The following LRFN2 variants were observed in gnomAD, a reference collection of about 807,000 sequenced individuals.
The protein encoded by LRFN2 is leucine rich repeat and fibronectin type III domain containing 2, also known as leucine-rich repeat and fibronectin type-III domain-containing protein 2.
In LRFN2, 18 loss-of-function variants were observed where a neutral mutation model predicts 37.3. The ratio of observed to expected loss-of-function variants is 0.48; its 90% CI spans 0.33 to 0.72. The LOEUF (loss-of-function observed/expected upper bound fraction) is 0.72, where lower values mean the gene tolerates loss of function less well. LRFN2 is among the 30% of genes least tolerant of loss of function. LRFN2 has a pLI of 0.02. For synonymous variants in LRFN2, 556 were observed against 466.6 expected, an observed-to-expected ratio of 1.19 and a Z score of -2.47; for missense variants, 1,006 against 1,060.7, an observed-to-expected ratio of 0.95 and a Z score of 0.72.
chr6:40,516,712 C>G (rs959540961), intron 1 of LRFN2, among the ~76,000 whole-genome samples: 1 of 152,234 alleles, frequency 6.6e-6, no homozygotes, highest in Non-Finnish European at 1.5e-5. Flanking sequence ...CACACATGCA[C>G]TGTTCCCACT....
At chr6:40,571,682 T>C (rs763484364) in intron 1 of LRFN2, among the ~76,000 whole-genome samples, 52 of 152,350 alleles carry the variant, frequency 3.4e-4, no homozygotes, top group African/African-American at 1.2e-3. Flanking sequence ...AGGTCCGATG[T>C]TGGAGCCTCT....
chr6:40,409,585 T>C (rs1762917993), intron 2 of LRFN2, among the ~76,000 whole-genome samples: 1 of 152,236 alleles, frequency 6.6e-6, no homozygotes. Context: ...CAAGGGATTT[T>C]GCTTCTCTGA....
rs765422470 is a variant in LRFN2 at position 40,392,230 on chromosome 6, G to A, written c.2083C>T (p.Arg695Ter). The change falls in exon 3 of 3, where the codon CGA becomes TGA. Residue 695 changes from arginine (R) to a stop codon, truncating the protein, a stop_gained. Transcript: ENST00000338305. LOFTEE classifies it high-confidence loss of function. The surrounding 1 kb of genome is among the most constrained non-coding windows in gnomAD (Gnocchi z 4.7). The part of the protein sequence containing the change: ...GTSARGHHSD[R>*]EPLLGPPAAR... Reference sequence around the variant, plus strand: ...GCAGGGGGCCCCAGCAGTGGCTCTCGGTCCGAGTGGTGGCCCCGGGCCGAC... The same window carrying A: ...GCAGGGGGCCCCAGCAGTGGCTCTCAGTCCGAGTGGTGGCCCCGGGCCGAC... The A allele has an allele frequency of 2.5e-6, 4 of 1,569,808 alleles. No individual in the cohort carries two copies. The highest frequency in any genetic ancestry group is 1.2e-5 in the South Asian group (1 of 83,198).
chr6:40,552,481 G>A (rs1428100403), intron 1 of LRFN2, among the ~76,000 whole-genome samples: 2 of 152,176 alleles, frequency 1.3e-5, no homozygotes, highest in Non-Finnish European at 2.9e-5. Flanking sequence ...GTCACCTGTG[G>A]AAACTGGAAT....
In LRFN2 at chr6:40,432,352, C is replaced by G; in HGVS notation, c.762G>C (p.Arg254=). 6.2e-7 allele frequency: 1 copy of G among 1,614,190 alleles called. No homozygotes were observed. Among genetic ancestry groups the G allele is most frequent in the Non-Finnish European group, 8.5e-7 (1 of 1,180,046 alleles). The change falls in exon 2 of 3, where the codon CGG becomes CGC. Residue 254 remains arginine, a synonymous_variant. Coordinates refer to ENST00000338305, the MANE Select transcript of LRFN2 (RefSeq NM_020737.3). ...CCAGGTCATCGTCCCGCTCGAGCCT[C>G]CGCAGCCAGAGAAGCTCACAATTGC... The part of the protein sequence containing the change: ...LHCNCELLWL[R]RLERDDDLET...
At chr6:40,485,540 A>G (rs902989931) in intron 1 of LRFN2, among the ~76,000 whole-genome samples, 2 of 152,228 alleles carry the variant, frequency 1.3e-5, no homozygotes, top group Non-Finnish European at 1.5e-5. Context: ...TCAGCAGACA[A>G]TGCAGCTAGT....
chr6:40,422,891 G>T (rs901482109), intron 2 of LRFN2, among the ~76,000 whole-genome samples: 1 of 152,176 alleles, frequency 6.6e-6, no homozygotes, highest in African/African-American at 2.4e-5. Flanking sequence ...AGGGAGACTG[G>T]ATACTGTAAT....
At chr6:40,489,628 T>A (rs1581744593) in intron 1 of LRFN2, among the ~76,000 whole-genome samples, 1 of 152,020 alleles carries the variant, frequency 6.6e-6, no homozygotes, top group Non-Finnish European at 1.5e-5. Flanking sequence ...GCTTCCTGGG[T>A]GCTGACGAGG....
intron 1 of LRFN2, among the ~76,000 whole-genome samples, chr6:40,562,262 G>A (rs1328578714): frequency 6.6e-6 from 1 of 152,074 alleles, no homozygotes; most frequent in African/African-American, 2.4e-5. Context: ...TTGGGCAGAC[G>A]GAAGGAGGAA....
chr6:40,539,449 T>C (rs555304818), intron 1 of LRFN2, among the ~76,000 whole-genome samples: 9 of 152,326 alleles, frequency 5.9e-5, no homozygotes, highest in African/African-American at 2.2e-4. Flanking sequence ...AAACATCCAC[T>C]CTCAGCAGCC....
chr6:40,468,113 C>T lies in LRFN2; in HGVS notation c.-18-34982G>A, dbSNP rs143393753. Among the ~76,000 whole-genome samples the T allele has an allele frequency of 3.9e-5, 6 of 152,214 alleles. No homozygotes were observed. The East Asian group carries it at 9.7e-4, about 25-fold the overall frequency. On this transcript the variant is annotated intron_variant, in intron 1 of 2. Transcript: ENST00000338305. ...ATTAATTCCATACTTGGTTATTGGG[C>T]ACCTGCTCTGGGGTGGGCTGTGGGG...
intron 1 of LRFN2, among the ~76,000 whole-genome samples, chr6:40,485,149 A>C (rs1764924313): frequency 6.6e-6 from 1 of 152,224 alleles, no homozygotes; most frequent in Admixed American, 6.5e-5. Flanking sequence ...TCATGTGTAT[A>C]AAATGTTCAA....
chr6:40,392,582 C>T lies in LRFN2; in HGVS notation c.1731G>A (p.Ser577=), dbSNP rs750989874. 25 of 1,607,252 alleles carry T rather than the reference C, an allele frequency of 1.6e-5. No homozygotes were observed. The highest frequency in any genetic ancestry group is 2.2e-5 in the East Asian group (1 of 44,878). Residue 577 remains serine, a synonymous_variant, in exon 3 of 3, where the codon TCG becomes TCA. Coordinates refer to ENST00000338305, the MANE Select transcript of LRFN2 (RefSeq NM_020737.3). This position sits in a 1 kb window ranked among gnomAD's most constrained non-coding sequence, Gnocchi z 4.7. ...KMAAAVSNVY[S]QTNGAQPPPP... is the part of the protein sequence containing the mutation. ...GCGGTGGCTGGGCGCCGTTGGTCTGCGAGTACACATTGCTCACGGCCGCTG... is the reference window on the plus strand; with the variant it reads ...GCGGTGGCTGGGCGCCGTTGGTCTGTGAGTACACATTGCTCACGGCCGCTG...
rs139438053 is a variant in LRFN2 at position 40,465,396 on chromosome 6, T to C, written c.-18-32265A>G. On this transcript the variant is annotated intron_variant, in intron 1 of 2. Coordinates refer to ENST00000338305, the MANE Select transcript of LRFN2 (RefSeq NM_020737.3). ...GGAAACTAATGCACTCCTGGAAGTCTCCAGGAAACATGAGTCTCAGGTGTT... is the reference window on the plus strand; with the variant it reads ...GGAAACTAATGCACTCCTGGAAGTCCCCAGGAAACATGAGTCTCAGGTGTT... Among the ~76,000 whole-genome samples the C allele has an allele frequency of 7.2e-4, 110 of 152,314 alleles. 1 individual carries two copies. The highest frequency in any genetic ancestry group is 1.3e-3 in the Non-Finnish European group (91 of 68,030).
intron 1 of LRFN2, among the ~76,000 whole-genome samples, chr6:40,458,533 C>T (rs936547525): frequency 6.6e-6 from 1 of 152,208 alleles, no homozygotes; most frequent in Non-Finnish European, 1.5e-5. Flanking sequence ...AACATAAAGT[C>T]TCAGCTTTCT....
intron 1 of LRFN2, among the ~76,000 whole-genome samples, chr6:40,553,513 G>C (rs569632976): frequency 6.6e-6 from 1 of 152,226 alleles, no homozygotes; most frequent in South Asian, 2.1e-4. Context: ...TGGCACTTCT[G>C]GACACTCCAT....
At chr6:40,416,693 C>A (rs780215597) in intron 2 of LRFN2, among the ~76,000 whole-genome samples, 15 of 152,144 alleles carry the variant, frequency 9.9e-5, no homozygotes, top group Non-Finnish European at 1.9e-4. Flanking sequence ...GAGAACTGAG[C>A]TTTGAGGTCA....
intron 1 of LRFN2, among the ~76,000 whole-genome samples, chr6:40,504,876 T>C (rs1171123386): frequency 6.6e-6 from 1 of 152,204 alleles, no homozygotes; most frequent in Non-Finnish European, 1.5e-5. Context: ...GAGTACAGCG[T>C]TGGGTCTGAA....
chr6:40,451,904 CAGATTAGGATTAAGAA>C (rs1313066906), intron 1 of LRFN2, among the ~76,000 whole-genome samples: 2 of 152,156 alleles, frequency 1.3e-5, no homozygotes, highest in Non-Finnish European at 2.9e-5. Context: ...GACACCTTTC[CAGATTAGGATTAAGAA>C]AGAAATGCAC....
Sources: gnomAD v4.1 joint callset for allele counts (sites outside exome capture counted in the v4.1 genomes callset) on GRCh38, gnomAD v4.1.1 for gene constraint, Gnocchi (gnomAD v3.1) non-coding constraint, MANE v1.5 for transcripts, NCBI Gene and HGNC (gene_info 2026-07-23, HGNC 2026-07-21) for gene names.